The following IFIT1 variants were observed in gnomAD, a reference collection of about 807,000 sequenced individuals.
The protein encoded by IFIT1 is interferon induced protein with tetratricopeptide repeats 1.
In IFIT1, 1 loss-of-function variant was observed where a neutral mutation model predicts 2.5. That is an observed-to-expected ratio of 0.40 (90% CI 0.14 to 1.92). The LOEUF (loss-of-function observed/expected upper bound fraction) is 1.92. Among genes scored for constraint, IFIT1 ranks in the 40% most tolerant of loss-of-function variants. IFIT1 has a pLI of 0.31. For synonymous variants in IFIT1, 191 were observed against 201.7 expected (o/e 0.95, Z 0.45); for missense variants, 508 against 557.8 (o/e 0.91, Z 0.90).
chr10:89,403,049 C>G lies in IFIT1; in HGVS notation c.774C>G (p.Ala258=). ...SSQTYVFRYA[A]KFYRRKGSVD... is the part of the protein sequence containing the mutation. ...AGACCTATGTCTTTCGATATGCAGC[C>G]AAGTTTTACCGAAGAAAAGGCTCTG... The change falls in exon 2 of 2, where the codon GCC becomes GCG. Residue 258 remains alanine (A), a synonymous_variant. Coordinates refer to ENST00000371804, the MANE Select transcript of IFIT1 (RefSeq NM_001548.5). 6.2e-7 allele frequency: 1 copy of G among 1,614,176 alleles called. No homozygotes were observed. The highest frequency in any genetic ancestry group is 8.5e-7 in the Non-Finnish European group (1 of 1,180,018).
At chr10:89,400,743 T>G (rs570727274) in intron 1 of IFIT1, among the ~76,000 whole-genome samples, 1 of 152,356 alleles carries the variant, frequency 6.6e-6, no homozygotes, top group African/African-American at 2.4e-5. Context: ...CCAACTTGGA[T>G]GTCTTGTATT....
At chr10:89,397,190 A>T (rs1014776897) in intron 1 of IFIT1, among the ~76,000 whole-genome samples, 1 of 152,012 alleles carries the variant, frequency 6.6e-6, no homozygotes. Flanking sequence ...TAATATTTCC[A>T]GTTTGTTGCT....
In IFIT1 at chr10:89,405,657, T is replaced by C. The variant is rs1373239640; in HGVS notation, c.*1945T>C. ...GAGGCTGCCTGAATTCTTTCATCCA[T>C]CTTAAAAACCAACAGTGTAGTAGCC... On this transcript the variant is annotated 3_prime_UTR_variant, in exon 2 of 2. Transcript: ENST00000371804. 2.0e-5 allele frequency: 3 copies of C among 152,200 alleles called. No homozygotes were observed. Among genetic ancestry groups the C allele is most frequent in the Admixed American group, 2.0e-4 (3 of 15,282 alleles). The allele number at this position is 152,200 out of a possible 1,614,324, so 9.4% of individuals were successfully genotyped here. A position where few individuals can be genotyped will look rare whatever the true frequency, so the allele number is the denominator to read the frequency against.
Position 89,402,830 on chromosome 10 carries a change from C to T in IFIT1, c.555C>T (p.Ala185=). 6.2e-7 allele frequency: 1 copy of T among 1,614,186 alleles called. No individual in the cohort carries two copies. Among genetic ancestry groups the T allele is most frequent in the Non-Finnish European group, 8.5e-7 (1 of 1,180,040 alleles). Residue 185 remains alanine, a synonymous_variant, in exon 2 of 2, where the codon GCC becomes GCT. Transcript: ENST00000371804. ...CCAGCGCTGGGTATGCGATCTCTGCCTATCGCCTGGATGGCTTTAAATTAG... is the reference window on the plus strand; with the variant it reads ...CCAGCGCTGGGTATGCGATCTCTGCTTATCGCCTGGATGGCTTTAAATTAG... ...PESSAGYAIS[A]YRLDGFKLAT...
Position 89,394,604 on chromosome 10 carries a change from ATATATATATATATATATATATAT to A in IFIT1, c.5+1888_5+1910del, listed in dbSNP as rs374680176. On this transcript the variant is annotated intron_variant, in intron 1 of 1. Transcript: ENST00000371804. ...TATATATATATATATATATATATAT[ATATATATATATATATATATATAT>A]AAAACTTGAATTTTATTCAGGTTAG... 1.5e-4 allele frequency among the ~76,000 whole-genome samples: 7 copies of A among 48,134 alleles called. 1 individual carries two copies. The highest frequency in any genetic ancestry group is 4.1e-4 in the Admixed American group (2 of 4,926). 31.6% of individuals were successfully genotyped at this position (48,134 alleles called of 152,430 possible). A position where few individuals can be genotyped will look rare whatever the true frequency, so the allele number is the denominator to read the frequency against.
At chr10:89,395,150 G>GTA (rs1337562779) in intron 1 of IFIT1, among the ~76,000 whole-genome samples, 1 of 151,990 alleles carries the variant, frequency 6.6e-6, no homozygotes, top group Non-Finnish European at 1.5e-5. Flanking sequence ...GCATAGCAGG[G>GTA]TATGACCTAT....
rs1471701211 is a variant in IFIT1, at chr10:89,403,034, C to T, written c.759C>T (p.Val253=). 1.2e-6 allele frequency: 2 copies of T among 1,614,108 alleles called. No homozygotes were observed. The highest frequency in any genetic ancestry group is 1.6e-4 in the Middle Eastern group (1 of 6,084). ...CCAACATGTCCTCACAGACCTATGT[C>T]TTTCGATATGCAGCCAAGTTTTACC... The part of the protein sequence containing the change: ...ALANMSSQTY[V]FRYAAKFYRR... The change falls in exon 2 of 2, where the codon GTC becomes GTT. Residue 253 remains valine, a synonymous_variant. Coordinates refer to ENST00000371804, the MANE Select transcript of IFIT1 (RefSeq NM_001548.5).
At chr10:89,399,015 T>C (rs985870766) in intron 1 of IFIT1, among the ~76,000 whole-genome samples, 13 of 150,980 alleles carry the variant, frequency 8.6e-5, no homozygotes, top group African/African-American at 3.0e-4. Context: ...TTTCTCTAGA[T>C]TCTCACCAAT....
intron 1 of IFIT1, 21 bp from the exon 2 acceptor site, chr10:89,402,260 A>T: frequency 6.6e-7 from 1 of 1,518,614 alleles, no homozygotes; most frequent in Non-Finnish European, 9.0e-7. Context: ...TAACAAAGAA[A>T]ATCTGTTTTT....
intron 1 of IFIT1, among the ~76,000 whole-genome samples, chr10:89,395,593 G>A (rs1256084227): frequency 1.3e-5 from 2 of 152,058 alleles, no homozygotes; most frequent in Non-Finnish European, 2.9e-5. Context: ...CTAAACACAG[G>A]TCAGGCAAGA....
intron 1 of IFIT1, 39 bp from the exon 2 acceptor site, chr10:89,402,242 T>C: frequency 7.4e-7 from 1 of 1,353,370 alleles, no homozygotes; most frequent in Non-Finnish European, 1.0e-6. Flanking sequence ...TTTTAGCTGT[T>C]CCTCACCTAA....
At chr10:89,396,704 T>C (rs573846958) in intron 1 of IFIT1, among the ~76,000 whole-genome samples, 5 of 152,340 alleles carry the variant, frequency 3.3e-5, no homozygotes, top group African/African-American at 1.2e-4. Flanking sequence ...TCAAACTGTA[T>C]CCAAACCATA....
intron 1 of IFIT1, among the ~76,000 whole-genome samples, chr10:89,397,750 G>A (rs1844365744): frequency 6.6e-6 from 1 of 152,084 alleles, no homozygotes; most frequent in Admixed American, 6.5e-5. Flanking sequence ...TAGATTTCCA[G>A]TGGTCTGTTG....
intron 1 of IFIT1, among the ~76,000 whole-genome samples, chr10:89,399,565 G>T (rs1451249072): frequency 2.0e-5 from 3 of 151,420 alleles, no homozygotes; most frequent in Non-Finnish European, 4.4e-5. Context: ...ATAAAGTAAG[G>T]GTCCAACTTT....
chr10:89,402,736 G>T lies in IFIT1; in HGVS notation c.461G>T (p.Gly154Val), dbSNP rs762002071. The T allele has an allele frequency of 1.9e-6, 3 of 1,614,078 alleles. No homozygotes were observed. The highest frequency in any genetic ancestry group is 2.7e-5 in the African/African-American group (2 of 74,928). The change falls in exon 2 of 2, where the codon GGA becomes GTA. Residue 154 changes from glycine (G) to valine (V), a missense_variant. Physicochemically the swap from Gly to Val is moderately radical, Grantham distance 109. Transcript: ENST00000371804. ...EEGWALLKCG[G>V]KNYERAKACF... ...GGATGGGCCTTGCTGAAGTGTGGAGGAAAAAATTATGAACGGGCCAAGGCC... is the reference window on the plus strand; with the variant it reads ...GGATGGGCCTTGCTGAAGTGTGGAGTAAAAAATTATGAACGGGCCAAGGCC...
Position 89,403,174 on chromosome 10 carries a change from T to G in IFIT1, c.899T>G (p.Ile300Ser). The change falls in exon 2 of 2, where the codon ATC (isoleucine) becomes AGC (serine). Residue 300 changes from isoleucine to serine, a missense_variant. Transcript: ENST00000371804. ...GGGCTTTGCTACAAGGCACAAATGA[T>G]CCAAATCAAGGAGGCTACAAAAGGG... ...QIGLCYKAQM[I>S]QIKEATKGQP... is the part of the protein sequence containing the mutation. 6.2e-7 allele frequency: 1 copy of G among 1,613,502 alleles called. No individual in the cohort carries two copies. Among genetic ancestry groups the G allele is most frequent in the South Asian group, 1.1e-5 (1 of 91,058 alleles).
chr10:89,400,224 T>G (rs1416221913), intron 1 of IFIT1, among the ~76,000 whole-genome samples: 1 of 152,230 alleles, frequency 6.6e-6, no homozygotes, highest in Non-Finnish European at 1.5e-5. Context: ...CATCCAACTT[T>G]GTTCTTCTTT....
chr10:89,403,900 GAA>G lies in IFIT1; in HGVS notation c.*190_*191del. On this transcript the variant is annotated 3_prime_UTR_variant, in exon 2 of 2. Coordinates refer to ENST00000371804, the MANE Select transcript of IFIT1 (RefSeq NM_001548.5). ...AAACAGAATGTGTGTATGCATGTAA[GAA>G]AGAGAAATCATTTGTATGAGTGCTA... 4.0e-6 allele frequency: 2 copies of G among 505,200 alleles called. No homozygotes were observed. Among genetic ancestry groups the G allele is most frequent in the African/African-American group, 2.0e-5 (1 of 51,134 alleles). The allele number at this position is 505,200 out of a possible 1,614,324, so 31.3% of individuals were successfully genotyped here.
Position 89,405,901 on chromosome 10 carries a change from G to T in IFIT1, c.*2189G>T, listed in dbSNP as rs550365628. The T allele has an allele frequency of 6.6e-6, 1 of 152,014 alleles. No individual in the cohort carries two copies. Among genetic ancestry groups the T allele is most frequent in the Non-Finnish European group, 1.5e-5 (1 of 67,988 alleles). The allele number at this position is 152,014 out of a possible 1,614,324, so 9.4% of individuals were successfully genotyped here. A position where few individuals can be genotyped will look rare whatever the true frequency, so the allele number is the denominator to read the frequency against. On this transcript the variant is annotated 3_prime_UTR_variant, in exon 2 of 2. Transcript: ENST00000371804. ...TGGCCATGGATACGATTGCGGGGGG[G>T]GCATTATTCTTACCACAGAGCACCC...
Sources: gnomAD v4.1 joint callset for allele counts (sites outside exome capture counted in the v4.1 genomes callset) on GRCh38, gnomAD v4.1.1 for gene constraint, MANE v1.5 for transcripts, NCBI Gene and HGNC (gene_info 2026-07-23, HGNC 2026-07-21) for gene names.